Variants in WDR89 observed in about 807,000 individuals in gnomAD.
WDR89 encodes WD repeat domain 89.
A neutral mutation model predicts 29.1 loss-of-function variants in WDR89; 17 were observed. That is an observed-to-expected ratio of 0.58 (90% CI 0.40 to 0.88). WDR89 has a LOEUF of 0.88. Among genes scored for constraint, WDR89 ranks in the 40% least tolerant of loss-of-function variants. The pLI is 0.00. For synonymous variants in WDR89, 138 were observed against 157.8 expected (o/e 0.87, Z 0.94); for missense variants, 396 against 456.3 (o/e 0.87, Z 1.20).
intron 2 of WDR89, among the ~76,000 whole-genome samples, chr14:63,601,066 A>C (rs1895043234): frequency 6.6e-6 from 1 of 152,130 alleles, no homozygotes. Context: ...TAGAAACTAA[A>C]AAGCAAGAAA....
chr14:63,625,859 CT>C (rs60153501), intron 1 of WDR89, among the ~76,000 whole-genome samples: 10,430 of 142,556 alleles, frequency 0.073, 415 homozygotes, highest in Non-Finnish European at 0.095. Context: ...TAGAAGAGGA[CT>C]TTTTTTTTTT....
At chr14:63,611,127 A>T (rs945727358) in intron 2 of WDR89, among the ~76,000 whole-genome samples, 2 of 151,992 alleles carry the variant, frequency 1.3e-5, no homozygotes, top group African/African-American at 2.4e-5. Flanking sequence ...TCTTGAGGCC[A>T]AGAGTTTGAG....
In WDR89 at chr14:63,627,074, CTG is replaced by C. The variant is rs2139556815; in HGVS notation, c.-137-2043_-137-2042del. ...AGTTCCAGGCTGCAGTGAGCAATGACTGTGTCAACGCACTCTAGCTTAGGTGA... is the reference window on the plus strand; with the variant it reads ...AGTTCCAGGCTGCAGTGAGCAATGACTGTCAACGCACTCTAGCTTAGGTGA... On this transcript the variant is annotated intron_variant, in intron 1 of 2. Transcript: ENST00000620954. Among the ~76,000 whole-genome samples, 3 of 151,768 alleles carry C rather than the reference CTG, an allele frequency of 2.0e-5. No homozygotes were observed. In the South Asian group the frequency reaches 6.2e-4, roughly 31 times the overall value.
chr14:63,632,582 G>A (rs907625409), intron 1 of WDR89, among the ~76,000 whole-genome samples: 4 of 152,102 alleles, frequency 2.6e-5, no homozygotes, highest in South Asian at 2.1e-4. Context: ...GCAGTGAGCC[G>A]TGATCACACC....
At chr14:63,626,554 G>A (rs1348935202) in intron 1 of WDR89, among the ~76,000 whole-genome samples, 1 of 151,396 alleles carries the variant, frequency 6.6e-6, no homozygotes, top group Non-Finnish European at 1.5e-5. Flanking sequence ...GTGCACGCCT[G>A]TAATCCCAGC....
chr14:63,622,831 G>C (rs1361704355), intron 2 of WDR89, among the ~76,000 whole-genome samples: 4 of 152,108 alleles, frequency 2.6e-5, no homozygotes, highest in African/African-American at 9.7e-5. Flanking sequence ...GGAGGGAAGT[G>C]GAAGGATAAT....
At chr14:63,635,318 T>C (rs1355564325) in intron 1 of WDR89, among the ~76,000 whole-genome samples, 2 of 152,170 alleles carry the variant, frequency 1.3e-5, no homozygotes, top group East Asian at 3.8e-4. Flanking sequence ...GCAGGGATGG[T>C]TTAACATACA....
At chr14:63,632,673 ACAGATGAATTATACAGAATGATAG>A (rs1284164675) in intron 1 of WDR89, among the ~76,000 whole-genome samples, 5 of 150,592 alleles carry the variant, frequency 3.3e-5, no homozygotes, top group African/African-American at 1.0e-4. Flanking sequence ...GATGAATTAT[ACAGATGAATTATACAGAATGATAG>A]CAGATGAATT....
chr14:63,613,265 A>G (rs1882100416), intron 2 of WDR89, among the ~76,000 whole-genome samples: 1 of 152,176 alleles, frequency 6.6e-6, no homozygotes, highest in African/African-American at 2.4e-5. Flanking sequence ...ATGTAGTTTT[A>G]AAACTCCAAA....
At chr14:63,615,332 T>C (rs1882235817) in intron 2 of WDR89, among the ~76,000 whole-genome samples, 1 of 152,222 alleles carries the variant, frequency 6.6e-6, no homozygotes, top group Non-Finnish European at 1.5e-5. Flanking sequence ...AGTCACCAGA[T>C]GTCTTAATTT....
intron 2 of WDR89, chr14:63,601,811 C>G (rs1033542281): frequency 1.9e-6 from 2 of 1,058,878 alleles, no homozygotes; most frequent in Non-Finnish European, 1.5e-6. Context: ...AGTACGTAAA[C>G]TGAAATAAGT....
chr14:63,616,664 A>T (rs1399879564), intron 2 of WDR89, among the ~76,000 whole-genome samples: 1 of 152,320 alleles, frequency 6.6e-6, no homozygotes, highest in South Asian at 2.1e-4. Flanking sequence ...GAAAGAAAGA[A>T]GGGTGTAGAA....
At chr14:63,610,049 C>T (rs1881854310) in intron 2 of WDR89, among the ~76,000 whole-genome samples, 2 of 151,374 alleles carry the variant, frequency 1.3e-5, no homozygotes, top group African/African-American at 4.9e-5. Context: ...CTAAAACAAT[C>T]TTAACAACAA....
chr14:63,629,113 T>C (rs1237160899), intron 1 of WDR89, among the ~76,000 whole-genome samples: 3 of 152,140 alleles, frequency 2.0e-5, no homozygotes, highest in African/African-American at 4.8e-5. Flanking sequence ...CAACCCAAGC[T>C]TAGTAGAATG....
chr14:63,599,592 A>G lies in WDR89; in HGVS notation c.351T>C (p.Ile117=). 6.2e-7 allele frequency: 1 copy of G among 1,614,160 alleles called. No homozygotes were observed. Among genetic ancestry groups the G allele is most frequent in the East Asian group, 2.2e-5 (1 of 44,880 alleles). Residue 117 remains isoleucine (I), a synonymous_variant, in exon 3 of 3, where the codon ATT becomes ATC. Transcript: ENST00000620954. ...TACAATTAATATCAAAACTGATAAA[A>G]ATATTGGAAGGGTAACCCTTGAAGA... ...VQLFKGYPSN[I]FISFDINCND...
intron 2 of WDR89, among the ~76,000 whole-genome samples, chr14:63,618,437 G>A (rs1882455925): frequency 1.3e-5 from 2 of 152,190 alleles, no homozygotes. Flanking sequence ...TTATAAGCAG[G>A]AGGCAGTGTG....
rs1305598573 is a variant in WDR89 at position 63,598,736 on chromosome 14, T to C, written c.*43A>G. ...CATGGGTAGTAAACAAGAAGGACTA[T>C]TTGAAACTATAAAACCTACCAAACA... is the stretch of plus-strand genomic sequence containing the variant. On this transcript the variant is annotated 3_prime_UTR_variant, in exon 3 of 3. Transcript: ENST00000620954. The C allele has an allele frequency of 6.7e-7, 1 of 1,500,702 alleles. No individual in the cohort carries two copies. Among genetic ancestry groups the C allele is most frequent in the South Asian group, 1.4e-5 (1 of 73,600 alleles). The allele number at this position is 1,500,702 out of a possible 1,614,324, so 93.0% of individuals were successfully genotyped here.
rs1894835586 is a variant in WDR89 at position 63,597,162 on chromosome 14, GAGAA to G, written c.*1613_*1616del. ...AAGCACCTTCTTCACAAGGCTTCAG[GAGAA>G]AGAGTGAGGAGTTAAAGGGGCAGAG... On this transcript the variant is annotated 3_prime_UTR_variant, in exon 3 of 3. Coordinates refer to ENST00000620954, the MANE Select transcript of WDR89 (RefSeq NM_080666.4). 6.6e-6 allele frequency: 1 copy of G among 152,160 alleles called. No homozygotes were observed. Among genetic ancestry groups the G allele is most frequent in the Non-Finnish European group, 1.5e-5 (1 of 68,042 alleles). 9.4% of individuals were successfully genotyped at this position (152,160 alleles called of 1,614,324 possible).
At position 63,624,920 on chromosome 14, in the gene WDR89, ATACT is replaced by A. The variant is rs558032181; in HGVS notation, c.-32+4_-32+7del. On this transcript the variant is annotated splice_donor_5th_base_variant and intron_variant, in intron 2 of 2. Coordinates refer to ENST00000620954, the MANE Select transcript of WDR89 (RefSeq NM_080666.4). ...GGCAGTTTGTTTAAAAGTTAAATAC[ATACT>A]TACCCAGCAAGCCCACTTTTAGGTA... 5.3e-5 allele frequency: 8 copies of A among 152,328 alleles called. No homozygotes were observed. Among genetic ancestry groups the A allele is most frequent in the Non-Finnish European group, 1.0e-4 (7 of 68,030 alleles). 9.4% of individuals were successfully genotyped at this position (152,328 alleles called of 1,614,324 possible).
Sources: allele counts gnomAD v4.1 joint callset (sites outside exome capture counted in the v4.1 genomes callset), GRCh38; gene constraint gnomAD v4.1.1; transcripts MANE v1.5; gene names NCBI Gene and HGNC (gene_info 2026-07-23, HGNC 2026-07-21).